GATA4: variants seen among roughly 807,000 people sequenced by gnomAD.
The protein encoded by GATA4 is GATA binding protein 4, also known as transcription factor GATA-4.
In GATA4, 7 loss-of-function variants were observed where a neutral mutation model predicts 37.9. The observed-to-expected ratio is 0.18, with a 90% CI of 0.11 to 0.35. GATA4 has a LOEUF of 0.35. Ranked by LOEUF, GATA4 falls within the 10% of genes least tolerant of loss-of-function variation. The pLI is 1.00. For synonymous variants in GATA4, 372 were observed against 292.6 expected, an observed-to-expected ratio of 1.27 and a Z score of -2.77; for missense variants, 647 against 653.0, an observed-to-expected ratio of 0.99 and a Z score of 0.10.
chr8:11,749,358 C>T lies in GATA4; in HGVS notation c.786+273C>T, dbSNP rs148676832. On this transcript the variant is annotated intron_variant, in intron 3 of 6. Coordinates refer to ENST00000532059, the MANE Select transcript of GATA4 (RefSeq NM_001308093.3). The surrounding 1 kb of genome is among the most constrained non-coding windows in gnomAD (Gnocchi z 4.6). ...CACAGCCACTCAGGTACTGAGTCTC[C>T]CATCTAGAACTCTGGAACCAGAATC... Among the ~76,000 whole-genome samples the T allele has an allele frequency of 1.4e-3, 208 of 152,238 alleles. 2 individuals carry two copies. The highest frequency in any genetic ancestry group is 4.9e-3 in the African/African-American group (202 of 41,534).
intron 2 of GATA4, among the ~76,000 whole-genome samples, chr8:11,729,739 G>T (rs1266198181): frequency 2.0e-5 from 3 of 152,140 alleles, no homozygotes; most frequent in African/African-American, 7.2e-5. Flanking sequence ...AAAAGCAGGG[G>T]TTAAGTCCGC....
At position 11,758,349 on chromosome 8, in the gene GATA4, G is replaced by C; in HGVS notation, c.1206G>C (p.Ser402=). 1.9e-6 allele frequency: 3 copies of C among 1,614,122 alleles called. No individual in the cohort carries two copies. Among genetic ancestry groups the C allele is most frequent in the Non-Finnish European group, 2.5e-6 (3 of 1,180,014 alleles). The part of the protein sequence containing the change: ...GHGPSIHPVL[S]ALKLSPQGYA... ...GGCCCTCCATCCACCCTGTCCTCTC[G>C]GCCCTGAAGCTCTCCCCACAAGGCT... Residue 402 remains serine (S), a synonymous_variant, in exon 7 of 7, where the codon TCG becomes TCC. Transcript: ENST00000532059.
chr8:11,749,189 G>A lies in GATA4; in HGVS notation c.786+104G>A, dbSNP rs768757926. On this transcript the variant is annotated intron_variant, in intron 3 of 6. Transcript: ENST00000532059. The surrounding 1 kb of genome is among the most constrained non-coding windows in gnomAD (Gnocchi z 4.6). Reference sequence around the variant, plus strand: ...ATTTTGGAACTTGAGGGTGTGCATCGGGGATTACGTGGGTGAGAGCCCCAT... The same window carrying A: ...ATTTTGGAACTTGAGGGTGTGCATCAGGGATTACGTGGGTGAGAGCCCCAT... 119 of 1,155,598 alleles carry A rather than the reference G, an allele frequency of 1.0e-4. No homozygotes were observed. The highest frequency in any genetic ancestry group is 1.3e-4 in the Non-Finnish European group (106 of 795,642). The allele number at this position is 1,155,598 out of a possible 1,614,324, so 71.6% of individuals were successfully genotyped here. A position where few individuals can be genotyped will look rare whatever the true frequency, so the allele number is the denominator to read the frequency against.
chr8:11,710,992 T>A (rs1368269484), intron 2 of GATA4, among the ~76,000 whole-genome samples: 2 of 151,984 alleles, frequency 1.3e-5, no homozygotes, highest in African/African-American at 2.4e-5. Flanking sequence ...GTGCTTATAG[T>A]CCCAGTTACT....
At chr8:11,743,249 GA>G (rs1443990677) in intron 2 of GATA4, among the ~76,000 whole-genome samples, 1 of 152,252 alleles carries the variant, frequency 6.6e-6, no homozygotes. Flanking sequence ...TTTGGGCAAG[GA>G]GTTAGCATGG....
chr8:11,739,769 A>T (rs113525802), intron 2 of GATA4, among the ~76,000 whole-genome samples: 102 of 23,686 alleles, frequency 4.3e-3, no homozygotes, highest in African/African-American at 0.021. Context: ...TCGTGTGCGG[A>T]GGAGTTTCTG....
chr8:11,708,047 C>T lies in GATA4; in HGVS notation c.-266C>T, dbSNP rs975320752. 3.8e-6 allele frequency: 2 copies of T among 533,292 alleles called. No individual in the cohort carries two copies. Among genetic ancestry groups the T allele is most frequent in the Non-Finnish European group, 6.9e-6 (2 of 290,888 alleles). The allele number at this position is 533,292 out of a possible 1,614,324, so 33.0% of individuals were successfully genotyped here. On this transcript the variant is annotated 5_prime_UTR_variant, in exon 2 of 7. Transcript: ENST00000532059. The surrounding 1 kb of genome is among the most constrained non-coding windows in gnomAD (Gnocchi z 6.7). ...GGACCTTCAGGCCCTGGGGTGAATTCAGCTGCTCCTACATCAGCTTCCGGA... is the reference window on the plus strand; with the variant it reads ...GGACCTTCAGGCCCTGGGGTGAATTTAGCTGCTCCTACATCAGCTTCCGGA...
At chr8:11,730,543 C>G (rs949293450) in intron 2 of GATA4, among the ~76,000 whole-genome samples, 3 of 152,290 alleles carry the variant, frequency 2.0e-5, no homozygotes, top group Admixed American at 6.5e-5. Context: ...CTGGCCTCCA[C>G]GTAGGGGCCT....
intron 2 of GATA4, among the ~76,000 whole-genome samples, chr8:11,714,458 A>G (rs1280472890): frequency 6.6e-6 from 1 of 152,190 alleles, no homozygotes; most frequent in African/African-American, 2.4e-5. Context: ...AAGCCGGTTC[A>G]TTTGTGCAGG....
chr8:11,681,386 C>T, intron 1 of GATA4: 3 of 985,274 alleles, frequency 3.0e-6, no homozygotes, highest in Non-Finnish European at 3.6e-6. Flanking sequence ...AAACTCCTGG[C>T]AGACCCTTCC....
rs1303290227 is a variant in GATA4, at chr8:11,758,799, T to C, written c.*324T>C. ...TGTGGCCTAGACCGTGGGTTTTGCATTGTGTTTCTAGCACCGAGGATCTGA... is the reference window on the plus strand; with the variant it reads ...TGTGGCCTAGACCGTGGGTTTTGCACTGTGTTTCTAGCACCGAGGATCTGA... On this transcript the variant is annotated 3_prime_UTR_variant, in exon 7 of 7. Coordinates refer to ENST00000532059, the MANE Select transcript of GATA4 (RefSeq NM_001308093.3). 6 of 394,948 alleles carry C rather than the reference T, an allele frequency of 1.5e-5. No homozygotes were observed. Among genetic ancestry groups the C allele is most frequent in the Admixed American group, 3.6e-5 (1 of 27,494 alleles). The allele number at this position is 394,948 out of a possible 1,614,324, so 24.5% of individuals were successfully genotyped here.
intron 4 of GATA4, among the ~76,000 whole-genome samples, chr8:11,754,044 C>T (rs1331390068): frequency 6.6e-6 from 1 of 152,190 alleles, no homozygotes; most frequent in Non-Finnish European, 1.5e-5. Context: ...GGTCACAGGG[C>T]AGTCTCTAGC....
At chr8:11,746,955 T>A (rs1347238205) in intron 2 of GATA4, among the ~76,000 whole-genome samples, 2 of 152,360 alleles carry the variant, frequency 1.3e-5, no homozygotes, top group East Asian at 3.9e-4. Flanking sequence ...TACCCAGAGT[T>A]GTGGGGAGGG....
At position 11,749,292 on chromosome 8, in the gene GATA4, A is replaced by T. The variant is rs1802179862; in HGVS notation, c.786+207A>T. Among the ~76,000 whole-genome samples, 1 of 152,234 alleles carries T rather than the reference A, an allele frequency of 6.6e-6. No homozygotes were observed. Among genetic ancestry groups the T allele is most frequent in the Non-Finnish European group, 1.5e-5 (1 of 68,036 alleles). On this transcript the variant is annotated intron_variant, in intron 3 of 6. Transcript: ENST00000532059. The surrounding 1 kb of genome is among the most constrained non-coding windows in gnomAD (Gnocchi z 4.6). Reference sequence around the variant, plus strand: ...GTCTAGTTCAACCTCTTCGGCACACAGAAACTGAAAGTGAGGCTCAGAAAA... The same window carrying T: ...GTCTAGTTCAACCTCTTCGGCACACTGAAACTGAAAGTGAGGCTCAGAAAA...
At position 11,758,540 on chromosome 8, in the gene GATA4, G is replaced by A. The variant is rs1447570116; in HGVS notation, c.*65G>A. 13 of 1,542,900 alleles carry A rather than the reference G, an allele frequency of 8.4e-6. No individual in the cohort carries two copies. Among genetic ancestry groups the A allele is most frequent in the Non-Finnish European group, 1.2e-5 (13 of 1,115,724 alleles). ...GACTTGGAGGATAGCAAAGAAGGAG[G>A]CCCTGGGCTCCCAGGGGCCGGCCTC... On this transcript the variant is annotated 3_prime_UTR_variant, in exon 7 of 7. Transcript: ENST00000532059.
At chr8:11,730,371 A>G (rs1441261908) in intron 2 of GATA4, among the ~76,000 whole-genome samples, 1 of 152,198 alleles carries the variant, frequency 6.6e-6, no homozygotes, top group African/African-American at 2.4e-5. Flanking sequence ...TCTTAGATCT[A>G]TGGGCCCTTC....
At chr8:11,717,857 C>T (rs529858555) in intron 2 of GATA4, among the ~76,000 whole-genome samples, 13 of 152,314 alleles carry the variant, frequency 8.5e-5, no homozygotes, top group Middle Eastern at 3.4e-3. Context: ...GTTGCACAAA[C>T]TTCCTTTCTA....
chr8:11,725,884 T>G (rs1800898919), intron 2 of GATA4, among the ~76,000 whole-genome samples: 1 of 152,220 alleles, frequency 6.6e-6, no homozygotes, highest in Non-Finnish European at 1.5e-5. Flanking sequence ...GCTTCTGGCC[T>G]CTGCATCTCT....
chr8:11,684,653 T>G (rs1439245467), intron 1 of GATA4, among the ~76,000 whole-genome samples: 1 of 152,214 alleles, frequency 6.6e-6, no homozygotes, highest in African/African-American at 2.4e-5. Flanking sequence ...TGTGTTTCAG[T>G]TTCTTATATT....
Sources: allele counts gnomAD v4.1 joint callset (sites outside exome capture counted in the v4.1 genomes callset), GRCh38; gene constraint gnomAD v4.1.1; non-coding constraint Gnocchi (gnomAD v3.1); transcripts MANE v1.5; gene names NCBI Gene and HGNC (gene_info 2026-07-23, HGNC 2026-07-21).